The following GRIP1 variants were observed in gnomAD, a reference collection of about 807,000 sequenced individuals.
The protein encoded by GRIP1 is glutamate receptor-interacting protein 1.
Under a neutral mutation model 129.9 loss-of-function variants are expected in GRIP1, and 45 were observed. The ratio of observed to expected loss-of-function variants is 0.35; its 90% CI spans 0.27 to 0.44. The LOEUF is 0.44. GRIP1 is among the 20% of genes least tolerant of loss of function. The pLI is 1.00. For missense variants in GRIP1, 1,196 were observed against 1,396.8 expected (o/e 0.86, Z 2.29); for synonymous variants, 530 against 520.8 (o/e 1.02, Z -0.24).
At chr12:66,730,606 A>G (rs994945155) in intron 1 of GRIP1, among the ~76,000 whole-genome samples, 3 of 150,218 alleles carry the variant, frequency 2.0e-5, no homozygotes, top group African/African-American at 7.3e-5. Flanking sequence ...CACAGAAGAT[A>G]TAAATTGTTA....
intron 1 of GRIP1, among the ~76,000 whole-genome samples, chr12:67,021,442 A>G (rs983306052): frequency 6.6e-6 from 1 of 152,204 alleles, no homozygotes; most frequent in African/African-American, 2.4e-5. Context: ...CTGTTGTATC[A>G]TATATCAATA....
chr12:67,020,193 ATGT>A (rs763235444), intron 1 of GRIP1, among the ~76,000 whole-genome samples: 65 of 152,176 alleles, frequency 4.3e-4, no homozygotes, highest in African/African-American at 4.8e-5. Flanking sequence ...ACTTTTTATC[ATGT>A]TGTGCAGAGA....
intron 1 of GRIP1, among the ~76,000 whole-genome samples, chr12:66,885,910 A>T (rs2040558408): frequency 6.6e-6 from 1 of 152,202 alleles, no homozygotes; most frequent in African/African-American, 2.4e-5. Flanking sequence ...TACAAAAATT[A>T]AGCTATCATA....
At chr12:66,694,373 A>C (rs1446970354) in intron 1 of GRIP1, among the ~76,000 whole-genome samples, 1 of 152,192 alleles carries the variant, frequency 6.6e-6, no homozygotes, top group Non-Finnish European at 1.5e-5. Context: ...AGCTGCAAAA[A>C]AATGTGGAAA....
chr12:66,561,293 G>A (rs554392996), intron 2 of GRIP1, among the ~76,000 whole-genome samples: 11 of 152,178 alleles, frequency 7.2e-5, no homozygotes, highest in African/African-American at 2.4e-4. Context: ...GACTATAGTC[G>A]ATAATAATTG....
intron 1 of GRIP1, among the ~76,000 whole-genome samples, chr12:66,784,104 A>G (rs899530365): frequency 5.3e-5 from 8 of 151,924 alleles, no homozygotes; most frequent in Admixed American, 5.3e-4. Flanking sequence ...CTCCAATTTA[A>G]GCCAATATTT....
Position 67,028,054 on chromosome 12 carries a change from AC to A in GRIP1, c.58+40995del, listed in dbSNP as rs374332831. On this transcript the variant is annotated intron_variant, in intron 1 of 1. Transcript: ENST00000643019. ...CCTCAATCCACCCTCACCTCCAAAC[AC>A]TGTGTCTCTCTGGTCACCTGGATAT... 6.4e-4 allele frequency among the ~76,000 whole-genome samples: 97 copies of A among 152,262 alleles called. 1 individual carries two copies. In the East Asian group the frequency reaches 0.013, roughly 20 times the overall value.
At position 66,394,189 on chromosome 12, in the gene GRIP1, C is replaced by T; in HGVS notation, c.2129+19G>A. On this transcript the variant is annotated intron_variant, in intron 17 of 24. Transcript: ENST00000359742. ...CCGTCTCAGACACAGGTAATTATAACAGTTACTTCAAATTTTACCTTTCAG... is the reference window on the plus strand; with the variant it reads ...CCGTCTCAGACACAGGTAATTATAATAGTTACTTCAAATTTTACCTTTCAG... 6.2e-7 allele frequency: 1 copy of T among 1,609,388 alleles called. No homozygotes were observed. Among genetic ancestry groups the T allele is most frequent in the Non-Finnish European group, 8.5e-7 (1 of 1,175,728 alleles).
intron 7 of GRIP1, among the ~76,000 whole-genome samples, chr12:66,487,884 G>A (rs570867349): frequency 6.6e-6 from 1 of 152,002 alleles, no homozygotes; most frequent in Non-Finnish European, 1.5e-5. Flanking sequence ...AAAAGACAAT[G>A]GGATTACATA....
chr12:66,392,830 T>C lies in GRIP1; in HGVS notation c.2130-14A>G. 1.9e-6 allele frequency: 3 copies of C among 1,611,880 alleles called. No individual in the cohort carries two copies. The highest frequency in any genetic ancestry group is 1.1e-5 in the South Asian group (1 of 91,036). ...ATTGCGCCAGTTCTGAAAAGCCAAATAGTAATAGGAGAGGTAGAAATAATC... is the reference window on the plus strand; with the variant it reads ...ATTGCGCCAGTTCTGAAAAGCCAAACAGTAATAGGAGAGGTAGAAATAATC... On this transcript the variant is annotated splice_polypyrimidine_tract_variant and intron_variant, in intron 17 of 24. Coordinates refer to ENST00000359742, the MANE Select transcript of GRIP1 (RefSeq NM_001366722.1).
intron 1 of GRIP1, among the ~76,000 whole-genome samples, chr12:66,916,307 A>G (rs764176005): frequency 1.3e-5 from 2 of 152,214 alleles, no homozygotes; most frequent in Non-Finnish European, 2.9e-5. Flanking sequence ...ACAGCAGGAA[A>G]GCCAAGCCCT....
intron 22 of GRIP1, among the ~76,000 whole-genome samples, chr12:66,372,998 C>T (rs1305655141): frequency 1.3e-5 from 2 of 152,220 alleles, no homozygotes; most frequent in African/African-American, 2.4e-5. Flanking sequence ...CGCAGCTTAA[C>T]TTGTTGAGTC....
intron 19 of GRIP1, among the ~76,000 whole-genome samples, chr12:66,383,299 AAACAACAACAACAACAACAAC>A (rs59263648): frequency 1.4e-5 from 2 of 141,316 alleles, no homozygotes; most frequent in African/African-American, 5.3e-5. Context: ...TCTGTCTCAA[AAACAACAACAACAACAACAAC>A]AACAACAACA....
chr12:66,456,160 C>G (rs772154207), intron 10 of GRIP1, 27 bp downstream of exon 10: 1 of 1,259,090 alleles, frequency 7.9e-7, no homozygotes, highest in South Asian at 1.2e-5. Flanking sequence ...AAATAAAAGA[C>G]CAGGAGGAGA....
intron 1 of GRIP1, among the ~76,000 whole-genome samples, chr12:66,990,196 C>G (rs983405808): frequency 6.6e-6 from 1 of 152,146 alleles, no homozygotes; most frequent in Admixed American, 6.5e-5. Context: ...ACTCACTATA[C>G]GCATAGCTTT....
At chr12:66,596,982 G>T in intron 1 of GRIP1, 55 bp from the exon 2 acceptor site, 3 of 1,189,668 alleles carry the variant, frequency 2.5e-6, no homozygotes, top group Non-Finnish European at 3.8e-6. Flanking sequence ...CTAATGCAGT[G>T]AAGATTTTTA....
chr12:66,894,247 C>T (rs1000037089), intron 1 of GRIP1, among the ~76,000 whole-genome samples: 17 of 152,122 alleles, frequency 1.1e-4, no homozygotes, highest in Admixed American at 3.3e-4. Context: ...AGAGAGTACA[C>T]GCACTCCCAC....
intron 17 of GRIP1, among the ~76,000 whole-genome samples, chr12:66,393,271 C>T (rs906654809): frequency 7.3e-5 from 11 of 150,458 alleles, no homozygotes; most frequent in African/African-American, 1.2e-4. Flanking sequence ...CTCCGCATCC[C>T]GGGTTCAAGC....
At chr12:67,062,800 T>C (rs1004936947) in intron 1 of GRIP1, among the ~76,000 whole-genome samples, 2 of 152,218 alleles carry the variant, frequency 1.3e-5, no homozygotes, top group Non-Finnish European at 2.9e-5. Context: ...TTTGTTTTCA[T>C]GAGAGCTGGG....
Sources: gnomAD v4.1 joint callset for allele counts (sites outside exome capture counted in the v4.1 genomes callset) on GRCh38, gnomAD v4.1.1 for gene constraint, MANE v1.5 for transcripts, NCBI Gene and HGNC (gene_info 2026-07-23, HGNC 2026-07-21) for gene names.